The following PLOD2 variants were observed in gnomAD, a reference collection of about 807,000 sequenced individuals.
PLOD2 encodes the protein lysine hydroxylase 2.
A neutral mutation model predicts 101.0 loss-of-function variants in PLOD2; 65 were observed. The observed-to-expected ratio is 0.64, with a 90% CI of 0.53 to 0.79. PLOD2 has a LOEUF of 0.79. Among genes scored for constraint, PLOD2 ranks in the 30% least tolerant of loss-of-function variants. The pLI is 0.00. For missense variants in PLOD2, 909 were observed against 914.6 expected, an observed-to-expected ratio of 0.99 and a Z score of 0.08; for synonymous variants, 314 against 302.9, an observed-to-expected ratio of 1.04 and a Z score of -0.38.
Position 146,121,137 on chromosome 3 carries a change from C to T in PLOD2, c.313G>A (p.Asp105Asn), listed in dbSNP as rs1271992916. Residue 105 changes from aspartate to asparagine, a missense_variant, in exon 3 of 20, where the codon GAT becomes AAT. By Grantham distance (23) the Asp-to-Asn change is conservative. Coordinates refer to ENST00000282903, the MANE Select transcript of PLOD2 (RefSeq NM_182943.3). ...CATTCAGTAAACATGACAACCAGAT[C>T]ATCTTGATCAGCATAGTGTTCCATG... is the stretch of plus-strand genomic sequence containing the variant. ...EVMEHYADQD[D>N]LVVMFTECFD... 1.9e-6 allele frequency: 3 copies of T among 1,607,726 alleles called. No homozygotes were observed. In the Admixed American group the frequency reaches 5.0e-5, roughly 27 times the overall value.
At chr3:146,123,537 A>T (rs1216010762) in intron 2 of PLOD2, among the ~76,000 whole-genome samples, 1 of 152,090 alleles carries the variant, frequency 6.6e-6, no homozygotes, top group Non-Finnish European at 1.5e-5. Flanking sequence ...AAAAGCAAAA[A>T]CAAAAGCAAT....
chr3:146,082,087 C>T (rs753396058), intron 11 of PLOD2, among the ~76,000 whole-genome samples: 2 of 151,682 alleles, frequency 1.3e-5, no homozygotes, highest in African/African-American at 4.8e-5. Flanking sequence ...AAAAGAGTAA[C>T]AAAGAAGGAA....
Position 146,081,718 on chromosome 3 carries a change from T to G in PLOD2, c.1358+20A>C. Reference sequence around the variant, plus strand: ...TAGATTATGGTATTTCACATTAAAATATTAAACCAAGTAACTTACACTCTA... The same window carrying G: ...TAGATTATGGTATTTCACATTAAAAGATTAAACCAAGTAACTTACACTCTA... On this transcript the variant is annotated intron_variant, in intron 12 of 19. Coordinates refer to ENST00000282903, the MANE Select transcript of PLOD2 (RefSeq NM_182943.3). 6.3e-7 allele frequency: 1 copy of G among 1,588,970 alleles called. No homozygotes were observed. The highest frequency in any genetic ancestry group is 8.6e-7 in the Non-Finnish European group (1 of 1,158,124).
chr3:146,106,503 A>G (rs1559851788), intron 5 of PLOD2, 29 bp downstream of exon 5: 6 of 1,046,382 alleles, frequency 5.7e-6, no homozygotes, highest in East Asian at 2.4e-5. Context: ...CCAAATCAAT[A>G]AAACAAAAAA....
intron 16 of PLOD2, 43 bp from the exon 17 acceptor site, chr3:146,072,708 T>C (rs1936190932): frequency 8.6e-7 from 1 of 1,167,948 alleles, no homozygotes; most frequent in Non-Finnish European, 1.3e-6. Context: ...ATAACTTCTG[T>C]GTCTTAATAG....
At position 146,079,104 on chromosome 3, in the gene PLOD2, T is replaced by C. The variant is rs73010484; in HGVS notation, c.1500+12A>G. On this transcript the variant is annotated intron_variant, in intron 13 of 19. Coordinates refer to ENST00000282903, the MANE Select transcript of PLOD2 (RefSeq NM_182943.3). ...TAAGAACATTCAAGCAAGCCATCAC[T>C]GCATATCTTACCATTTCTCTAGCAT... 449,776 of 1,609,696 alleles carry C rather than the reference T, an allele frequency of 0.28. 64,442 individuals are homozygous for C. Among genetic ancestry groups the C allele is most frequent in the East Asian group, 0.29 (13,148 of 44,740 alleles).
Position 146,121,052 on chromosome 3 carries a change from C to A in PLOD2, c.338+60G>T. 8.5e-6 allele frequency: 11 copies of A among 1,295,518 alleles called. No homozygotes were observed. In the South Asian group the frequency reaches 1.3e-4, roughly 15 times the overall value. 80.3% of individuals were successfully genotyped at this position (1,295,518 alleles called of 1,614,324 possible). The stretch of plus-strand genomic sequence containing the variant: ...TAATACATCATCTACAAATATAAAT[C>A]TCAGCTCTTTAAAAAGTAATTGAAT... On this transcript the variant is annotated intron_variant, in intron 3 of 19. Transcript: ENST00000282903.
Position 146,077,839 on chromosome 3 carries a change from A to C in PLOD2, c.1563+23T>G, listed in dbSNP as rs1279311566. The C allele has an allele frequency of 3.5e-6, 5 of 1,440,044 alleles. No individual in the cohort carries two copies. The East Asian group carries it at 6.9e-5, about 20-fold the overall frequency. The allele number at this position is 1,440,044 out of a possible 1,614,324, so 89.2% of individuals were successfully genotyped here. On this transcript the variant is annotated intron_variant, in intron 14 of 19. Coordinates refer to ENST00000282903, the MANE Select transcript of PLOD2 (RefSeq NM_182943.3). ...ATCAAATATTAAATAAACAAAAATAAATAAAATAAGTAAAAATAACACCTT... is the reference window on the plus strand; with the variant it reads ...ATCAAATATTAAATAAACAAAAATACATAAAATAAGTAAAAATAACACCTT...
intron 7 of PLOD2, among the ~76,000 whole-genome samples, chr3:146,099,179 A>G (rs1937299533): frequency 6.6e-6 from 1 of 152,176 alleles, no homozygotes; most frequent in South Asian, 2.1e-4. Flanking sequence ...CAAACTGAAA[A>G]TGTTTCCAAG....
At chr3:146,138,714 C>A (rs188721274) in intron 1 of PLOD2, among the ~76,000 whole-genome samples, 394 of 152,162 alleles carry the variant, frequency 2.6e-3, no homozygotes, top group Non-Finnish European at 4.5e-3. Flanking sequence ...TGTAAAGATT[C>A]TGGTTTTTAC....
intron 15 of PLOD2, among the ~76,000 whole-genome samples, chr3:146,075,588 A>G (rs899212940): frequency 2.6e-5 from 4 of 151,486 alleles, no homozygotes; most frequent in African/African-American, 4.8e-5. Flanking sequence ...TTTCTCTGCA[A>G]TTCTCTCTGG....
chr3:146,100,209 C>T (rs1377548144), intron 7 of PLOD2, among the ~76,000 whole-genome samples: 1 of 152,030 alleles, frequency 6.6e-6, no homozygotes, highest in Non-Finnish European at 1.5e-5. Flanking sequence ...AATGCTTTTG[C>T]CCTGCCAGAA....
rs1344738432 is a variant in PLOD2, at chr3:146,079,014, CAAATT to C, written c.1500+97_1500+101del. ...AACCAAAAAAATTGGCTAGTACTTACAAATTAGCAAGACAAAGGGCATCAAAACAC... is the reference window on the plus strand; with the variant it reads ...AACCAAAAAAATTGGCTAGTACTTACAGCAAGACAAAGGGCATCAAAACAC... On this transcript the variant is annotated intron_variant, in intron 13 of 19. Transcript: ENST00000282903. 2.4e-6 allele frequency: 3 copies of C among 1,254,788 alleles called. No individual in the cohort carries two copies. The Admixed American group carries it at 5.1e-5, about 21-fold the overall frequency. The allele number at this position is 1,254,788 out of a possible 1,614,324, so 77.7% of individuals were successfully genotyped here. A position where few individuals can be genotyped will look rare whatever the true frequency, so the allele number is the denominator to read the frequency against.
rs1392389958 is a variant in PLOD2, at chr3:146,097,772, G to A, written c.777+4983C>T. 5.8e-4 allele frequency among the ~76,000 whole-genome samples: 60 copies of A among 103,388 alleles called. No homozygotes were observed. In the East Asian group the frequency reaches 0.011, roughly 19 times the overall value. The allele number at this position is 103,388 out of a possible 152,430, so 67.8% of individuals were successfully genotyped here. ...ATGACCCTGCCAAATCCCCCTCTGC[G>A]AGAAACACCCAAGAATGATCAATAA... On this transcript the variant is annotated intron_variant, in intron 7 of 19. Transcript: ENST00000282903.
At chr3:146,125,824 T>C (rs1379021360) in intron 1 of PLOD2, among the ~76,000 whole-genome samples, 1 of 152,192 alleles carries the variant, frequency 6.6e-6, no homozygotes, top group Non-Finnish European at 1.5e-5. Context: ...TAACTGATTA[T>C]GAAAATTTAA....
intron 11 of PLOD2, among the ~76,000 whole-genome samples, chr3:146,083,973 AAG>A (rs1456392278): frequency 1.3e-5 from 2 of 151,986 alleles, no homozygotes; most frequent in South Asian, 2.1e-4. Flanking sequence ...ATAGTTCACT[AAG>A]AGAATAATTA....
chr3:146,133,717 C>T (rs1422859092), intron 1 of PLOD2, among the ~76,000 whole-genome samples: 1 of 152,136 alleles, frequency 6.6e-6, no homozygotes, highest in Non-Finnish European at 1.5e-5. Context: ...AAAATTCAAA[C>T]AGCAAAGAAT....
At chr3:146,089,331 G>A (rs1042988700) in intron 8 of PLOD2, among the ~76,000 whole-genome samples, 1 of 150,950 alleles carries the variant, frequency 6.6e-6, no homozygotes, top group African/African-American at 2.4e-5. Flanking sequence ...TTCATTAATT[G>A]CACAAACAAT....
At chr3:146,160,709 A>C (rs2032532321) in intron 1 of PLOD2, 172 bp downstream of exon 1, 2 of 589,404 alleles carry the variant, frequency 3.4e-6, no homozygotes, top group Non-Finnish European at 6.1e-6. Flanking sequence ...ACACTTCCCC[A>C]GGGACCAGCG....
Sources: allele counts gnomAD v4.1 joint callset (sites outside exome capture counted in the v4.1 genomes callset), GRCh38; gene constraint gnomAD v4.1.1; transcripts MANE v1.5; gene names NCBI Gene and HGNC (gene_info 2026-07-23, HGNC 2026-07-21).